Variants in CIAO3 observed in about 807,000 individuals in gnomAD.
The protein encoded by CIAO3 is LET1 like/JFP15.
A neutral mutation model predicts 51.5 loss-of-function variants in CIAO3; 45 were observed. The ratio of observed to expected loss-of-function variants is 0.87; its 90% CI spans 0.69 to 1.12. CIAO3 has a LOEUF of 1.12. Ranked by LOEUF, CIAO3 falls within the 50% of genes most tolerant of loss-of-function variation. The pLI is 0.00. For missense variants in CIAO3, 668 were observed against 632.5 expected, an observed-to-expected ratio of 1.06 and a Z score of -0.60; for synonymous variants, 314 against 269.3, an observed-to-expected ratio of 1.17 and a Z score of -1.63.
rs114403736 is a variant in CIAO3, at chr16:734,896, G to C, written c.440-25C>G. The stretch of plus-strand genomic sequence containing the variant: ...CCTGGAAGGTGAAGGTGGGTGCCTG[G>C]TTAACCCCATGCGGGACGCCCACAC... On this transcript the variant is annotated intron_variant, in intron 4 of 10. Transcript: ENST00000251588. 11 of 1,530,818 alleles carry C rather than the reference G, an allele frequency of 7.2e-6. No individual in the cohort carries two copies. In the East Asian group the frequency reaches 2.5e-4, roughly 35 times the overall value. 94.8% of individuals were successfully genotyped at this position (1,530,818 alleles called of 1,614,324 possible).
rs369336831 is a variant in CIAO3, at chr16:731,617, C to A, written c.982G>T (p.Ala328Ser). The part of the protein sequence containing the change: ...GYLEHVFRHA[A>S]RELFGIHVAE... ...ACATGGATTCCAAAGAGCTCTCGGG[C>A]CGCGTGCCGGAACACGTGCTCCAGG... Residue 328 changes from alanine (A) to serine (S), a missense_variant, in exon 9 of 11, where the codon GCC (alanine) becomes TCC (serine). Ala to Ser is a moderately conservative substitution (Grantham distance 99). Coordinates refer to ENST00000251588, the MANE Select transcript of CIAO3 (RefSeq NM_022493.3). 9.0e-6 allele frequency: 14 copies of A among 1,562,298 alleles called. No individual in the cohort carries two copies. In the East Asian group the frequency reaches 3.4e-4, roughly 37 times the overall value.
At position 732,596 on chromosome 16, in the gene CIAO3, C is replaced by T. The variant is rs753595182; in HGVS notation, c.824-223G>A. 5 of 656,178 alleles carry T rather than the reference C, an allele frequency of 7.6e-6. No individual in the cohort carries two copies. In the East Asian group the frequency reaches 1.5e-4, roughly 20 times the overall value. 40.6% of individuals were successfully genotyped at this position (656,178 alleles called of 1,614,324 possible). ...GAGGTGTGCCAGCGGCCAGGCCACT[C>T]TGCTCACCCAGTGTCCATCTGTCCA... On this transcript the variant is annotated intron_variant, in intron 7 of 10. Transcript: ENST00000251588.
Position 734,756 on chromosome 16 carries a change from C to G in CIAO3, c.555G>C (p.Leu185=). ...GQADCRQALP[L]LASACPGWIC... is the part of the protein sequence containing the mutation. ...GCACACCTGGGCAGGCAGAGGCCAG[C>G]AGGGGCAGCGCCTGTCTGCAGTCGG... Residue 185 remains leucine, a synonymous_variant, in exon 5 of 11, where the codon CTG becomes CTC. Coordinates refer to ENST00000251588, the MANE Select transcript of CIAO3 (RefSeq NM_022493.3). 2 of 1,612,550 alleles carry G rather than the reference C, an allele frequency of 1.2e-6. No individual in the cohort carries two copies. Among genetic ancestry groups the G allele is most frequent in the Non-Finnish European group, 1.7e-6 (2 of 1,179,654 alleles).
Position 730,642 on chromosome 16 carries a change from G to A in CIAO3, c.1206C>T (p.Gly402=), listed in dbSNP as rs1204077006. 1.2e-5 allele frequency: 19 copies of A among 1,608,982 alleles called. No individual in the cohort carries two copies. The highest frequency in any genetic ancestry group is 5.0e-5 in the Admixed American group (3 of 59,988). The change falls in exon 11 of 11, where the codon GGC becomes GGT. Residue 402 remains glycine (G), a synonymous_variant. Coordinates refer to ENST00000251588, the MANE Select transcript of CIAO3 (RefSeq NM_022493.3). ...TGTCTGGGGCCTGGAGCTGGCCCCCGCCGTTCAGGCAGCCTATGGGAGAGC... is the reference window on the plus strand; with the variant it reads ...TGTCTGGGGCCTGGAGCTGGCCCCCACCGTTCAGGCAGCCTATGGGAGAGC... The part of the protein sequence containing the change: ...VMACPSGCLN[G]GGQLQAPDRP...
chr16:735,018 C>T (rs754746873), intron 4 of CIAO3, 147 bp from the exon 5 acceptor site: 414 of 1,137,432 alleles, frequency 3.6e-4, no homozygotes, highest in Non-Finnish European at 3.3e-4. Flanking sequence ...GTGGGGACCT[C>T]CTAAAGCCAC....
Position 737,391 on chromosome 16 carries a change from G to C in CIAO3, c.163-62C>G. On this transcript the variant is annotated intron_variant, in intron 2 of 10. Coordinates refer to ENST00000251588, the MANE Select transcript of CIAO3 (RefSeq NM_022493.3). The surrounding 1 kb of genome is among the most constrained non-coding windows in gnomAD (Gnocchi z 5.3). ...TCTGCACGAGGACATGGAGACAGAG[G>C]ATAGTGGAGTCCAGCTCATAACCGA... The C allele has an allele frequency of 6.2e-7, 1 of 1,604,302 alleles. No homozygotes were observed. The highest frequency in any genetic ancestry group is 8.5e-7 in the Non-Finnish European group (1 of 1,174,190).
At position 730,087 on chromosome 16, in the gene CIAO3, C is replaced by T. The variant is rs892637941; in HGVS notation, c.*330G>A. The stretch of plus-strand genomic sequence containing the variant: ...AGGCAACCCCGGGACAGGCTGAAGC[C>T]CCTCACGCACTTGGGTGCCCGACCA... On this transcript the variant is annotated 3_prime_UTR_variant, in exon 11 of 11. Transcript: ENST00000251588. The T allele has an allele frequency of 2.2e-6, 1 of 462,146 alleles. No homozygotes were observed. The highest frequency in any genetic ancestry group is 3.9e-6 in the Non-Finnish European group (1 of 254,298). 28.6% of individuals were successfully genotyped at this position (462,146 alleles called of 1,614,324 possible). A position where few individuals can be genotyped will look rare whatever the true frequency, so the allele number is the denominator to read the frequency against.
intron 4 of CIAO3, chr16:735,451 A>G (rs544004887): frequency 6.6e-6 from 1 of 152,670 alleles, no homozygotes; most frequent in East Asian, 1.9e-4. Context: ...TCCCTCGCGT[A>G]ACCCGTGGTC....
chr16:730,462 G>C lies in CIAO3; in HGVS notation c.1386C>G (p.Tyr462Ter), dbSNP rs761602193. 6.2e-7 allele frequency: 1 copy of C among 1,606,992 alleles called. No individual in the cohort carries two copies. Among genetic ancestry groups the C allele is most frequent in the South Asian group, 1.1e-5 (1 of 91,086 alleles). ...CAGTGCTGGCCTTCTCCACGGCGTGGTACTGCGTATGCAGCAAGCGACCTG... is the reference window on the plus strand; with the variant it reads ...CAGTGCTGGCCTTCTCCACGGCGTGCTACTGCGTATGCAGCAAGCGACCTG... ...ECAGRLLHTQ[Y>*]HAVEKASTGL... Residue 462 changes from tyrosine (Y) to a stop codon, truncating the protein, a stop_gained, in exon 11 of 11, where the codon TAC becomes TAG. Coordinates refer to ENST00000251588, the MANE Select transcript of CIAO3 (RefSeq NM_022493.3). LOFTEE classifies it high-confidence loss of function.
In CIAO3 at chr16:739,979, C is replaced by G. The variant is rs759515932; in HGVS notation, c.67-241G>C. The G allele has an allele frequency of 4.1e-6, 6 of 1,480,516 alleles. 1 individual carries two copies. In the African/African-American group the frequency reaches 8.4e-5, roughly 21 times the overall value. The allele number at this position is 1,480,516 out of a possible 1,614,324, so 91.7% of individuals were successfully genotyped here. A position where few individuals can be genotyped will look rare whatever the true frequency, so the allele number is the denominator to read the frequency against. ...TGTGCAGGAAGGCCAGTGCTAACAG[C>G]GCCTGCAAACTACCCACCTGCGGAG... On this transcript the variant is annotated intron_variant, in intron 1 of 10. Transcript: ENST00000251588.
At chr16:740,111 G>T in intron 1 of CIAO3, 9 of 1,315,548 alleles carry the variant, frequency 6.8e-6, no homozygotes, top group African/African-American at 1.5e-5. Flanking sequence ...GATCTGTTTG[G>T]AGACCACCTC....
intron 1 of CIAO3, chr16:740,455 G>C (rs1411053945): frequency 3.3e-6 from 1 of 306,030 alleles, no homozygotes; most frequent in Non-Finnish European, 6.5e-6. Flanking sequence ...CGTTTATGCA[G>C]ATGCAAAGGC....
rs770690095 is a variant in CIAO3, at chr16:730,384, C to T, written c.*33G>A. The T allele has an allele frequency of 1.3e-6, 2 of 1,584,950 alleles. No homozygotes were observed. Among genetic ancestry groups the T allele is most frequent in the South Asian group, 1.1e-5 (1 of 90,372 alleles). On this transcript the variant is annotated 3_prime_UTR_variant, in exon 11 of 11. Transcript: ENST00000251588. ...ATGTGGTTCTGCTGTCACACATGGA[C>T]ACGGCCTCCTGGGAGTCCTGGTCCT...
Position 737,502 on chromosome 16 carries a change from T to C in CIAO3, c.163-173A>G. ...ATTACAAAAATGCACACGCACGCTC[T>C]ACAGTTTCATAATGCCGTCAAGTCT... is the stretch of plus-strand genomic sequence containing the variant. On this transcript the variant is annotated intron_variant, in intron 2 of 10. Coordinates refer to ENST00000251588, the MANE Select transcript of CIAO3 (RefSeq NM_022493.3). This position sits in a 1 kb window ranked among gnomAD's most constrained non-coding sequence, Gnocchi z 5.3. 1.3e-6 allele frequency: 2 copies of C among 1,523,968 alleles called. No homozygotes were observed. The highest frequency in any genetic ancestry group is 2.5e-5 in the East Asian group (1 of 40,416). 94.4% of individuals were successfully genotyped at this position (1,523,968 alleles called of 1,614,324 possible).
rs372706521 is a variant in CIAO3, at chr16:731,626, G to A, written c.973C>T (p.Arg325Trp). 9.3e-5 allele frequency: 145 copies of A among 1,561,530 alleles called. 2 individuals are homozygous for A. In the South Asian group the frequency reaches 9.4e-4, roughly 10 times the overall value. The change falls in exon 9 of 11, where the codon CGG becomes TGG. Residue 325 changes from arginine (R) to tryptophan (W), a missense_variant. Physicochemically the swap from Arg to Trp is moderately radical, Grantham distance 101 (BLOSUM62 -3). Transcript: ENST00000251588. ...CCAAAGAGCTCTCGGGCCGCGTGCC[G>A]GAACACGTGCTCCAGGTAGCCCCCC... ...GSGGYLEHVF[R>W]HAARELFGIH...
Position 729,823 on chromosome 16 carries a change from T to C in CIAO3, c.*594A>G. On this transcript the variant is annotated 3_prime_UTR_variant, in exon 11 of 11. Transcript: ENST00000251588. ...CTGGGAGACAGGCCTGGTGGGGACC[T>C]GGCTGGGGGATGATGCAGCCCGCGA... The C allele has an allele frequency of 4.8e-6, 4 of 828,872 alleles. No individual in the cohort carries two copies. Among genetic ancestry groups the C allele is most frequent in the Non-Finnish European group, 6.7e-6 (4 of 597,828 alleles). The allele number at this position is 828,872 out of a possible 1,614,324, so 51.3% of individuals were successfully genotyped here.
rs1226982416 is a variant in CIAO3 at position 740,969 on chromosome 16, C to T, written c.17G>A (p.Ser6Asn). 1.5e-5 allele frequency: 22 copies of T among 1,514,138 alleles called. No homozygotes were observed. The Admixed American group carries it at 4.4e-4, about 30-fold the overall frequency. The allele number at this position is 1,514,138 out of a possible 1,614,324, so 93.8% of individuals were successfully genotyped here. ...CAGGTCCGTCAGCTGCAGCGCCCCG[C>T]TGAAGGGCGACGCCATGACGGCCGC... MASPFSGALQLTDLDD... is the reference protein window; with the variant it reads MASPFNGALQLTDLDD... The change falls in exon 1 of 11, where the codon AGC becomes AAC. Residue 6 changes from serine (S) to asparagine (N), a missense_variant. Ser to Asn is a conservative substitution (Grantham distance 46). Coordinates refer to ENST00000251588, the MANE Select transcript of CIAO3 (RefSeq NM_022493.3).
In CIAO3 at chr16:733,280, C is replaced by T. The variant is rs1485199188; in HGVS notation, c.823+18G>A. On this transcript the variant is annotated intron_variant, in intron 7 of 10. Coordinates refer to ENST00000251588, the MANE Select transcript of CIAO3 (RefSeq NM_022493.3). ...ACCAGGAGGCTTGAGGGCTCAGGGC[C>T]GCACGGCGTGACCGCACCTGTTGTG... The T allele has an allele frequency of 8.7e-6, 14 of 1,612,252 alleles. No homozygotes were observed. The East Asian group carries it at 8.9e-5, about 10-fold the overall frequency.
In CIAO3 at chr16:731,551, C is replaced by G. The variant is rs1309387156; in HGVS notation, c.1034+14G>C. 3.2e-6 allele frequency: 5 copies of G among 1,556,410 alleles called. No homozygotes were observed. Among genetic ancestry groups the G allele is most frequent in the Non-Finnish European group, 4.3e-6 (5 of 1,150,578 alleles). On this transcript the variant is annotated intron_variant, in intron 9 of 10. Transcript: ENST00000251588. ...GTGGCCGCTCTGCCCAGAGATCTGG[C>G]CCATCCCACTGACCTCAGGGGTTTG...
Sources: allele counts gnomAD v4.1 joint callset, GRCh38; gene constraint gnomAD v4.1.1; non-coding constraint Gnocchi (gnomAD v3.1); transcripts MANE v1.5; gene names NCBI Gene and HGNC (gene_info 2026-07-23, HGNC 2026-07-21).